TIAM1: variants seen among roughly 807,000 people sequenced by gnomAD.
TIAM1 encodes the protein rho guanine nucleotide exchange factor TIAM1.
In TIAM1, 65 loss-of-function variants were observed where a neutral mutation model predicts 163.5. That is an observed-to-expected ratio of 0.40 (90% confidence interval 0.33 to 0.49). The LOEUF (loss-of-function observed/expected upper bound fraction) is 0.49. Among genes scored for constraint, TIAM1 ranks in the 20% least tolerant of loss-of-function variants. The pLI is 0.77. For missense variants in TIAM1, 1,789 were observed against 2,044.7 expected, an observed-to-expected ratio of 0.87 and a Z score of 2.41; for synonymous variants, 833 against 810.1, an observed-to-expected ratio of 1.03 and a Z score of -0.48.
At chr21:31,162,808 T>C (rs1030678474) in intron 16 of TIAM1, among the ~76,000 whole-genome samples, 4 of 152,140 alleles carry the variant, frequency 2.6e-5, no homozygotes, top group Non-Finnish European at 4.4e-5. Flanking sequence ...TGTCCCTTTT[T>C]AGAAAGCCCA....
At chr21:31,354,370 G>A (rs923212856) in intron 2 of TIAM1, among the ~76,000 whole-genome samples, 2 of 152,172 alleles carry the variant, frequency 1.3e-5, no homozygotes, top group Non-Finnish European at 2.9e-5. Flanking sequence ...ACGTGAGCCA[G>A]CTCAATTGCA....
chr21:31,455,008 C>A (rs1020325196), intron 2 of TIAM1, among the ~76,000 whole-genome samples: 16 of 152,058 alleles, frequency 1.1e-4, no homozygotes, highest in African/African-American at 3.9e-4. Flanking sequence ...AGTCCAGGCA[C>A]GGTGGCTCAC....
At chr21:31,256,193 T>C (rs2072090091) in intron 4 of TIAM1, among the ~76,000 whole-genome samples, 1 of 152,288 alleles carries the variant, frequency 6.6e-6, no homozygotes, top group South Asian at 2.1e-4. Flanking sequence ...TCCAGTTGTT[T>C]TGACAGGAGA....
chr21:31,264,446 A>C (rs1480814597), intron 4 of TIAM1, among the ~76,000 whole-genome samples: 3 of 152,226 alleles, frequency 2.0e-5, no homozygotes, highest in Admixed American at 6.5e-5. Context: ...CCTAAGAACC[A>C]GGCACTATGC....
intron 1 of TIAM1, among the ~76,000 whole-genome samples, chr21:31,531,660 G>C (rs970826114): frequency 6.6e-6 from 1 of 151,572 alleles, no homozygotes; most frequent in African/African-American, 2.4e-5. Flanking sequence ...GGGCAGGAGA[G>C]AAGGGAAGGG....
Position 31,120,292 on chromosome 21 carries a change from G to C in TIAM1, c.*76C>G. 1 of 1,423,198 alleles carries C rather than the reference G, an allele frequency of 7.0e-7. No homozygotes were observed. The highest frequency in any genetic ancestry group is 9.5e-7 in the Non-Finnish European group (1 of 1,058,170). The allele number at this position is 1,423,198 out of a possible 1,614,324, so 88.2% of individuals were successfully genotyped here. On this transcript the variant is annotated 3_prime_UTR_variant, in exon 28 of 28. Transcript: ENST00000541036. This position sits in a 1 kb window ranked among gnomAD's most constrained non-coding sequence, Gnocchi z 4.2. ...GAGCGCGACCTAAGGGGACATTCTTGTCGACGGTACAGGAGGGTGGGCAGA... is the reference window on the plus strand; with the variant it reads ...GAGCGCGACCTAAGGGGACATTCTTCTCGACGGTACAGGAGGGTGGGCAGA...
At chr21:31,293,635 C>T (rs976985207) in intron 2 of TIAM1, among the ~76,000 whole-genome samples, 3 of 152,236 alleles carry the variant, frequency 2.0e-5, no homozygotes, top group Non-Finnish European at 4.4e-5. Flanking sequence ...GGCCACCTGT[C>T]CTGTGCTCTG....
At chr21:31,172,963 T>C (rs1043839169) in intron 15 of TIAM1, among the ~76,000 whole-genome samples, 1 of 152,182 alleles carries the variant, frequency 6.6e-6, no homozygotes, top group Non-Finnish European at 1.5e-5. Flanking sequence ...TTAAGTTACC[T>C]ACAATAATAT....
chr21:31,503,973 A>T (rs541144723), intron 1 of TIAM1, among the ~76,000 whole-genome samples: 98 of 152,264 alleles, frequency 6.4e-4, no homozygotes, highest in African/African-American at 2.3e-3. Flanking sequence ...CAGCCCATCC[A>T]CTTTCCCAGA....
intron 2 of TIAM1, among the ~76,000 whole-genome samples, chr21:31,393,107 C>A (rs1012090170): frequency 6.6e-6 from 1 of 152,070 alleles, no homozygotes; most frequent in Non-Finnish European, 1.5e-5. Context: ...AGGTGCCCAC[C>A]ACCATGTCCG....
chr21:31,379,875 G>A (rs1291279673), intron 2 of TIAM1, among the ~76,000 whole-genome samples: 2 of 152,170 alleles, frequency 1.3e-5, no homozygotes, highest in Non-Finnish European at 2.9e-5. Flanking sequence ...GAGAAGAGCT[G>A]GAGGGAAATA....
At chr21:31,300,604 A>G (rs1019861770) in intron 2 of TIAM1, among the ~76,000 whole-genome samples, 2 of 152,240 alleles carry the variant, frequency 1.3e-5, no homozygotes, top group Admixed American at 6.5e-5. Context: ...GTAAAGTAAT[A>G]ATACATCAAT....
chr21:31,556,274 G>A (rs1383660318), intron 1 of TIAM1, among the ~76,000 whole-genome samples: 1 of 152,170 alleles, frequency 6.6e-6, no homozygotes, highest in Non-Finnish European at 1.5e-5. Context: ...CAATGCTACT[G>A]GCCGCGTTCC....
In TIAM1 at chr21:31,180,202, G is replaced by A. The variant is rs141912777; in HGVS notation, c.2887+2219C>T. On this transcript the variant is annotated intron_variant, in intron 15 of 27. Coordinates refer to ENST00000541036, the MANE Select transcript of TIAM1 (RefSeq NM_001353694.2). ...ATTACAGGTGTGAGCCACTGCGCCC[G>A]GTAGACTTTTTTTAAAAAAGAAGAA... Among the ~76,000 whole-genome samples the A allele has an allele frequency of 6.2e-4, 95 of 152,074 alleles. 1 individual carries two copies. Among genetic ancestry groups the A allele is most frequent in the Middle Eastern group, 3.4e-3 (1 of 292 alleles).
intron 1 of TIAM1, among the ~76,000 whole-genome samples, chr21:31,476,472 A>C (rs2045939060): frequency 6.6e-6 from 1 of 152,236 alleles, no homozygotes; most frequent in African/African-American, 2.4e-5. Context: ...TGAGCGAGGG[A>C]GCTGTTGTCA....
intron 2 of TIAM1, among the ~76,000 whole-genome samples, chr21:31,336,643 G>A (rs973874826): frequency 2.0e-5 from 3 of 152,002 alleles, no homozygotes; most frequent in African/African-American, 4.8e-5. Context: ...TGAGGCACAG[G>A]GCACAGTCAC....
intron 15 of TIAM1, among the ~76,000 whole-genome samples, chr21:31,172,910 T>G (rs543968726): frequency 2.6e-5 from 4 of 151,920 alleles, no homozygotes; most frequent in Admixed American, 2.0e-4. Context: ...ACCCTGTAAA[T>G]AGAATTGATT....
intron 2 of TIAM1, among the ~76,000 whole-genome samples, chr21:31,402,797 A>C (rs962856901): frequency 6.6e-6 from 1 of 151,552 alleles, no homozygotes; most frequent in Non-Finnish European, 1.5e-5. Flanking sequence ...AAAACACACA[A>C]AAAAATTAGC....
chr21:31,421,138 A>G (rs1569316018), intron 2 of TIAM1, among the ~76,000 whole-genome samples: 3 of 151,272 alleles, frequency 2.0e-5, no homozygotes, highest in East Asian at 2.0e-4. Context: ...CTTAAAAAAA[A>G]AAAAGAAAAG....
Sources: allele counts gnomAD v4.1 joint callset (sites outside exome capture counted in the v4.1 genomes callset), GRCh38; gene constraint gnomAD v4.1.1; non-coding constraint Gnocchi (gnomAD v3.1); transcripts MANE v1.5; gene names NCBI Gene and HGNC (gene_info 2026-07-23, HGNC 2026-07-21).